The following BEGAIN variants were observed in gnomAD, a reference collection of about 807,000 sequenced individuals.
BEGAIN encodes the protein brain enriched guanylate kinase associated.
Under a neutral mutation model 35.8 loss-of-function variants are expected in BEGAIN, and 19 were observed. The ratio of observed to expected loss-of-function variants is 0.53; its 90% CI spans 0.37 to 0.78. BEGAIN has a LOEUF of 0.78. Among genes scored for constraint, BEGAIN ranks in the 30% least tolerant of loss-of-function variants. The pLI is 0.00. For missense variants in BEGAIN, 795 were observed against 853.6 expected (o/e 0.93, Z 0.85); for synonymous variants, 462 against 388.6 (o/e 1.19, Z -2.22).
rs56090356 is a variant in BEGAIN, at chr14:100,583,692, C to CTTTTTTTTTTTT, written c.42+3545_42+3556dup. ...CTCTCTCTCTCTTTCGTTTTTCTTCCTTTTTTTTTTTTTTTTTGATGGAGT... is the reference window on the plus strand; with the variant it reads ...CTCTCTCTCTCTTTCGTTTTTCTTCCTTTTTTTTTTTTTTTTTTTTTTTTTTTTTGATGGAGT... On this transcript the variant is annotated intron_variant, in intron 1 of 6. Coordinates refer to ENST00000554140, the MANE Select transcript of BEGAIN (RefSeq NM_001385089.1). Among the ~76,000 whole-genome samples the CTTTTTTTTTTTT allele has an allele frequency of 8.9e-3, 966 of 108,890 alleles. 8 individuals are homozygous for CTTTTTTTTTTTT. The highest frequency in any genetic ancestry group is 0.012 in the Non-Finnish European group (675 of 56,000). The allele number at this position is 108,890 out of a possible 152,430, so 71.4% of individuals were successfully genotyped here.
rs762784456 is a variant in BEGAIN, at chr14:100,537,962, C to T, written c.*7G>A. On this transcript the variant is annotated 3_prime_UTR_variant, in exon 7 of 7. Coordinates refer to ENST00000554140, the MANE Select transcript of BEGAIN (RefSeq NM_001385089.1). ...AGCGAACCACGGCCAGGCCTGCACG[C>T]AGGCGCTCAGTTGAGCAAGGTTCCG... The T allele has an allele frequency of 1.2e-6, 2 of 1,602,278 alleles. No individual in the cohort carries two copies. Among genetic ancestry groups the T allele is most frequent in the South Asian group, 1.1e-5 (1 of 89,810 alleles).
At chr14:100,555,979 CGT>C (rs757113563) in intron 2 of BEGAIN, among the ~76,000 whole-genome samples, 3 of 151,360 alleles carry the variant, frequency 2.0e-5, no homozygotes, top group Admixed American at 6.6e-5. Context: ...CATGCATGTG[CGT>C]GTGTGTGTGT....
At chr14:100,546,745 C>G in intron 2 of BEGAIN, 83 bp from the exon 3 acceptor site, 1 of 1,365,912 alleles carries the variant, frequency 7.3e-7, no homozygotes, top group Admixed American at 3.3e-5. Context: ...GGGCGTGCCG[C>G]ACTAACACGC....
intron 2 of BEGAIN, among the ~76,000 whole-genome samples, chr14:100,566,939 G>A (rs2034731680): frequency 6.6e-6 from 1 of 152,178 alleles, no homozygotes; most frequent in Non-Finnish European, 1.5e-5. Flanking sequence ...GGCACTAAGG[G>A]TCAGCTGGCA....
intron 6 of BEGAIN, chr14:100,540,260 C>G (rs984538210): frequency 5.5e-6 from 3 of 544,736 alleles, no homozygotes; most frequent in Admixed American, 6.2e-5. Flanking sequence ...AACCAGCAGC[C>G]GGGGTGGGCC....
At position 100,568,042 on chromosome 14, in the gene BEGAIN, G is replaced by T. The variant is rs1170855892; in HGVS notation, c.43-103C>A. 56 of 1,147,844 alleles carry T rather than the reference G, an allele frequency of 4.9e-5. No homozygotes were observed. In the African/African-American group the frequency reaches 8.0e-4, roughly 16 times the overall value. The allele number at this position is 1,147,844 out of a possible 1,614,324, so 71.1% of individuals were successfully genotyped here. ...CGGGCACGGCCGGGCAACCCCGCGGGGCCCCGTCCGTGGGAAGCCCGGCGC... is the reference window on the plus strand; with the variant it reads ...CGGGCACGGCCGGGCAACCCCGCGGTGCCCCGTCCGTGGGAAGCCCGGCGC... On this transcript the variant is annotated intron_variant, in intron 1 of 6. Coordinates refer to ENST00000554140, the MANE Select transcript of BEGAIN (RefSeq NM_001385089.1). The surrounding 1 kb of genome is among the most constrained non-coding windows in gnomAD (Gnocchi z 7.5).
At chr14:100,542,486 C>T (rs1408588789) in intron 5 of BEGAIN, among the ~76,000 whole-genome samples, 1 of 152,232 alleles carries the variant, frequency 6.6e-6, no homozygotes, top group East Asian at 1.9e-4. Context: ...AGACCCGGGC[C>T]TCCTGCTGCC....
intron 2 of BEGAIN, among the ~76,000 whole-genome samples, chr14:100,552,970 A>T (rs2033349732): frequency 6.6e-6 from 1 of 152,092 alleles, no homozygotes; most frequent in South Asian, 2.1e-4. Context: ...AGCAGCTGCC[A>T]CCTGGGCCCT....
intron 5 of BEGAIN, among the ~76,000 whole-genome samples, chr14:100,541,602 C>G (rs953343028): frequency 6.6e-6 from 1 of 152,208 alleles, no homozygotes; most frequent in Non-Finnish European, 1.5e-5. Context: ...GAACTGACCC[C>G]TTGTATGACC....
chr14:100,556,752 C>T (rs541385993), intron 2 of BEGAIN, among the ~76,000 whole-genome samples: 67 of 152,334 alleles, frequency 4.4e-4, no homozygotes, highest in Middle Eastern at 3.4e-3. Context: ...CAGCTCTGAG[C>T]TCCCAGCTGC....
At chr14:100,579,833 C>A (rs1233702592) in intron 1 of BEGAIN, among the ~76,000 whole-genome samples, 7 of 152,208 alleles carry the variant, frequency 4.6e-5, no homozygotes, top group African/African-American at 1.7e-4. Flanking sequence ...CTGCCAGGCC[C>A]TGGAGATTCA....
chr14:100,568,400 T>G lies in BEGAIN; in HGVS notation c.43-461A>C. 2 of 1,246,514 alleles carry G rather than the reference T, an allele frequency of 1.6e-6. No homozygotes were observed. Among genetic ancestry groups the G allele is most frequent in the Non-Finnish European group, 1.0e-6 (1 of 958,248 alleles). 77.2% of individuals were successfully genotyped at this position (1,246,514 alleles called of 1,614,324 possible). On this transcript the variant is annotated intron_variant, in intron 1 of 6. Transcript: ENST00000554140. The surrounding 1 kb of genome is among the most constrained non-coding windows in gnomAD (Gnocchi z 7.5). The stretch of plus-strand genomic sequence containing the variant: ...CGCAGAACCTCCGAGTCGGAGAATG[T>G]TGGGGAATTCGGGGCCGTGCAGGAT...
intron 1 of BEGAIN, among the ~76,000 whole-genome samples, chr14:100,576,595 G>A (rs774638920): frequency 6.6e-6 from 1 of 152,170 alleles, no homozygotes; most frequent in African/African-American, 2.4e-5. Context: ...CCTGTGTTGG[G>A]AGAAGGTGGA....
At chr14:100,551,171 G>T (rs2033157132) in intron 2 of BEGAIN, among the ~76,000 whole-genome samples, 1 of 152,194 alleles carries the variant, frequency 6.6e-6, no homozygotes, top group African/African-American at 2.4e-5. Context: ...CTGCTCCCCT[G>T]CCCCTGCCTG....
rs761504992 is a variant in BEGAIN, at chr14:100,563,031, A to AG, written c.71+4879dup. On this transcript the variant is annotated intron_variant, in intron 2 of 6. Transcript: ENST00000554140. This position sits in a 1 kb window ranked among gnomAD's most constrained non-coding sequence, Gnocchi z 4.2. ...CTTGGGTGGGAGAGGGTGCCCTTTG[A>AG]GGGGGGGCGTGGAGGGGCAGGGCAG... 8.0e-4 allele frequency among the ~76,000 whole-genome samples: 121 copies of AG among 151,894 alleles called. No individual in the cohort carries two copies. Among genetic ancestry groups the AG allele is most frequent in the South Asian group, 2.1e-3 (10 of 4,808 alleles).
chr14:100,577,262 G>A, intron 1 of BEGAIN: 1 of 398,698 alleles, frequency 2.5e-6, no homozygotes, highest in Non-Finnish European at 4.4e-6. Flanking sequence ...CAGGGCCTGT[G>A]GGGAAGCGGC....
In BEGAIN at chr14:100,560,662, T is replaced by C. The variant is rs180742128; in HGVS notation, c.71+7249A>G. The stretch of plus-strand genomic sequence containing the variant: ...GCCAGACCCCCAGGACACAGAGACA[T>C]GGCACTGGCCACTTCCTGGCAAACC... On this transcript the variant is annotated intron_variant, in intron 2 of 6. Transcript: ENST00000554140. Among the ~76,000 whole-genome samples, 92 of 152,240 alleles carry C rather than the reference T, an allele frequency of 6.0e-4. 1 individual carries two copies. The highest frequency in any genetic ancestry group is 6.8e-3 in the Middle Eastern group (2 of 294).
At chr14:100,546,892 G>A in intron 2 of BEGAIN, 1 of 416,288 alleles carries the variant, frequency 2.4e-6, no homozygotes, top group Non-Finnish European at 4.3e-6. Flanking sequence ...GAGCCAGTCT[G>A]GCCTGGGCGG....
Position 100,558,469 on chromosome 14 carries a change from G to A in BEGAIN, c.71+9442C>T, listed in dbSNP as rs1016130575. On this transcript the variant is annotated intron_variant, in intron 2 of 6. Transcript: ENST00000554140. The surrounding 1 kb of genome is among the most constrained non-coding windows in gnomAD (Gnocchi z 4.6). ...AGCGTGTCCCGGGGATCTGGCCTCC[G>A]GCATCTCCTTCCCTGGGTGCACTCA... Among the ~76,000 whole-genome samples, 3 of 152,104 alleles carry A rather than the reference G, an allele frequency of 2.0e-5. No individual in the cohort carries two copies. Among genetic ancestry groups the A allele is most frequent in the Non-Finnish European group, 4.4e-5 (3 of 68,016 alleles).
Sources: allele counts gnomAD v4.1 joint callset (sites outside exome capture counted in the v4.1 genomes callset), GRCh38; gene constraint gnomAD v4.1.1; non-coding constraint Gnocchi (gnomAD v3.1); transcripts MANE v1.5; gene names NCBI Gene and HGNC (gene_info 2026-07-23, HGNC 2026-07-21).